The following LIMA1 variants were observed in gnomAD, a reference collection of about 807,000 sequenced individuals.
The protein encoded by LIMA1 is LIM domain and actin-binding protein 1.
LIMA1 carries 52 observed loss-of-function variants against 62.6 expected under a neutral mutation model. The observed-to-expected ratio is 0.83, with a 90% CI of 0.67 to 1.05. LIMA1 has a LOEUF of 1.05. Among genes scored for constraint, LIMA1 ranks in the 50% least tolerant of loss-of-function variants. LIMA1 has a pLI of 0.00. For missense variants in LIMA1, 780 were observed against 902.2 expected (o/e 0.86, Z 1.74); for synonymous variants, 302 against 317.8 (o/e 0.95, Z 0.53).
intron 1 of LIMA1, among the ~76,000 whole-genome samples, chr12:50,267,053 C>G (rs1942147307): frequency 6.6e-6 from 1 of 151,668 alleles, no homozygotes. Flanking sequence ...TGCCACCATG[C>G]CCAGCTAATT....
chr12:50,193,155 C>A (rs900092346), intron 8 of LIMA1, among the ~76,000 whole-genome samples: 2 of 151,840 alleles, frequency 1.3e-5, no homozygotes, highest in South Asian at 2.1e-4. Context: ...TACTTTCCTG[C>A]CAAAATGAAG....
chr12:50,223,238 A>C (rs547961245), intron 3 of LIMA1, among the ~76,000 whole-genome samples: 194 of 152,044 alleles, frequency 1.3e-3, no homozygotes, highest in Non-Finnish European at 2.0e-3. Flanking sequence ...TAATCCCAGC[A>C]CTTTGGGAGG....
intron 7 of LIMA1, among the ~76,000 whole-genome samples, chr12:50,199,416 T>C (rs1223966987): frequency 6.6e-6 from 1 of 152,182 alleles, no homozygotes; most frequent in East Asian, 1.9e-4. Flanking sequence ...TAGCCTTCTA[T>C]TTCTAACTCA....
At chr12:50,203,521 C>A (rs1236849695) in intron 6 of LIMA1, among the ~76,000 whole-genome samples, 1 of 151,870 alleles carries the variant, frequency 6.6e-6, no homozygotes, top group African/African-American at 2.4e-5. Context: ...TCCAGCGATT[C>A]TCCTGCCTCA....
At chr12:50,278,449 T>C (rs964605884) in intron 1 of LIMA1, among the ~76,000 whole-genome samples, 8 of 152,058 alleles carry the variant, frequency 5.3e-5, no homozygotes, top group African/African-American at 1.9e-4. Flanking sequence ...TAATATTCAA[T>C]GTTACCAAGG....
At chr12:50,218,895 T>TA (rs1409254811) in intron 4 of LIMA1, among the ~76,000 whole-genome samples, 1,843 of 73,874 alleles carry the variant, frequency 0.025, 34 homozygotes, top group African/African-American at 0.071. Context: ...CCTATCTCCA[T>TA]AAAAAAAAAA....
At chr12:50,276,869 CAA>C (rs879357407) in intron 1 of LIMA1, among the ~76,000 whole-genome samples, 2 of 128,862 alleles carry the variant, frequency 1.6e-5, no homozygotes, top group African/African-American at 2.9e-5. Context: ...CACACTGTCT[CAA>C]AAAAAAAAAA....
At chr12:50,263,824 T>G (rs1026529189) in intron 1 of LIMA1, among the ~76,000 whole-genome samples, 1 of 122,578 alleles carries the variant, frequency 8.2e-6, no homozygotes, top group African/African-American at 3.3e-5. Context: ...TCTATATATA[T>G]ATAGAGAGAG....
chr12:50,232,821 T>C (rs1006515824), intron 2 of LIMA1, among the ~76,000 whole-genome samples: 1 of 152,150 alleles, frequency 6.6e-6, no homozygotes, highest in Non-Finnish European at 1.5e-5. Flanking sequence ...ACCCCACCTC[T>C]ACTAAAAATA....
intron 8 of LIMA1, among the ~76,000 whole-genome samples, chr12:50,193,664 A>AT (rs1565833501): frequency 1.9e-4 from 12 of 61,760 alleles, no homozygotes; most frequent in African/African-American, 6.4e-4. Context: ...ATATATATAT[A>AT]TATTTTTTTT....
chr12:50,270,080 C>A (rs918083734), intron 1 of LIMA1, among the ~76,000 whole-genome samples: 2 of 150,194 alleles, frequency 1.3e-5, no homozygotes, highest in African/African-American at 4.9e-5. Flanking sequence ...ACTAAAAATA[C>A]AAAATTAGCC....
chr12:50,225,153 C>T (rs1011469455), intron 3 of LIMA1, among the ~76,000 whole-genome samples: 40 of 152,032 alleles, frequency 2.6e-4, no homozygotes, highest in African/African-American at 7.5e-4. Flanking sequence ...CTGCCTGCCT[C>T]GGCCTCCCAA....
intron 1 of LIMA1, among the ~76,000 whole-genome samples, chr12:50,272,760 T>C (rs906853769): frequency 1.9e-4 from 28 of 151,120 alleles, no homozygotes; most frequent in Non-Finnish European, 8.9e-5. Context: ...TAAGAATTGG[T>C]TATAGGGCCG....
At chr12:50,255,744 C>T (rs1400537653) in intron 1 of LIMA1, among the ~76,000 whole-genome samples, 1 of 150,682 alleles carries the variant, frequency 6.6e-6, no homozygotes, top group Non-Finnish European at 1.5e-5. Context: ...TAAAAAACTT[C>T]AAGTTGCAAA....
At chr12:50,275,732 G>T (rs565275763) in intron 1 of LIMA1, among the ~76,000 whole-genome samples, 2 of 152,336 alleles carry the variant, frequency 1.3e-5, no homozygotes, top group African/African-American at 4.8e-5. Flanking sequence ...AGGCAGGAAA[G>T]AACTGGGCAG....
intron 3 of LIMA1, among the ~76,000 whole-genome samples, chr12:50,227,825 A>C (rs947105270): frequency 4.0e-5 from 6 of 150,626 alleles, no homozygotes; most frequent in African/African-American, 1.5e-4. Context: ...GCCCACTCTG[A>C]GTATTTATTT....
At chr12:50,264,690 T>C (rs1942117648) in intron 1 of LIMA1, among the ~76,000 whole-genome samples, 2 of 152,218 alleles carry the variant, frequency 1.3e-5, no homozygotes, top group African/African-American at 4.8e-5. Context: ...GCCCAGCACA[T>C]TGCTTGAGGT....
At chr12:50,252,748 A>G (rs1285589897) in intron 1 of LIMA1, among the ~76,000 whole-genome samples, 2 of 152,144 alleles carry the variant, frequency 1.3e-5, no homozygotes, top group African/African-American at 4.8e-5. Context: ...TTTTTATAAC[A>G]AAAAAAGTTT....
At chr12:50,262,812 C>G (rs747958989) in intron 1 of LIMA1, among the ~76,000 whole-genome samples, 5 of 152,080 alleles carry the variant, frequency 3.3e-5, no homozygotes, top group Non-Finnish European at 7.4e-5. Flanking sequence ...GAGCAAGACT[C>G]TGACTCAAAA....
Sources: allele counts gnomAD v4.1 joint callset (sites outside exome capture counted in the v4.1 genomes callset), GRCh38; gene constraint gnomAD v4.1.1; transcripts MANE v1.5; gene names NCBI Gene and HGNC (gene_info 2026-07-23, HGNC 2026-07-21).